Variants in FREM1 observed in about 807,000 individuals in gnomAD.
FREM1 encodes FRAS1 related extracellular matrix 1, also known as FRAS1-related extracellular matrix protein 1.
In FREM1, 220 loss-of-function variants were observed where a neutral mutation model predicts 210.1. That is an observed-to-expected ratio of 1.05 (90% CI 0.94 to 1.17). The LOEUF is 1.17. Ranked by LOEUF, FREM1 falls within the 50% of genes most tolerant of loss-of-function variation. The probability of loss-of-function intolerance (pLI) is 0.00; values close to 1 mark genes in which losing one functional copy is unlikely to be tolerated. For missense variants in FREM1, 3,454 were observed against 2,675.5 expected (o/e 1.29, Z -6.42); for synonymous variants, 1,189 against 980.2 (o/e 1.21, Z -3.98).
chr9:14,770,869 G>C (rs911483728), intron 25 of FREM1, 63 bp from the exon 26 acceptor site: 50 of 1,210,430 alleles, frequency 4.1e-5, no homozygotes, highest in Non-Finnish European at 5.7e-5. Flanking sequence ...GCAACGTTGG[G>C]CTTTATTGGT....
At chr9:14,858,032 C>T (rs541412917) in intron 4 of FREM1, among the ~76,000 whole-genome samples, 1 of 152,172 alleles carries the variant, frequency 6.6e-6, no homozygotes, top group South Asian at 2.1e-4. Context: ...ACATCTCTGA[C>T]AAATAGACCA....
At chr9:14,861,118 T>TAA (rs1445617309) in intron 3 of FREM1, among the ~76,000 whole-genome samples, 1 of 99,896 alleles carries the variant, frequency 1.0e-5, no homozygotes, top group South Asian at 2.5e-4. Flanking sequence ...CACATATATA[T>TAA]ACATATATAC....
chr9:14,819,897 G>T (rs1301519038), intron 13 of FREM1, among the ~76,000 whole-genome samples: 1 of 152,124 alleles, frequency 6.6e-6, no homozygotes, highest in Non-Finnish European at 1.5e-5. Context: ...ATTCTTAAAG[G>T]CTTGGGAAAT....
intron 5 of FREM1, among the ~76,000 whole-genome samples, chr9:14,856,607 G>A (rs1411253610): frequency 2.0e-5 from 3 of 152,050 alleles, no homozygotes; most frequent in African/African-American, 4.8e-5. Flanking sequence ...GGTGAGGCAG[G>A]TGGATCACGA....
chr9:14,815,220 G>A (rs1820089634), intron 15 of FREM1, among the ~76,000 whole-genome samples: 1 of 152,094 alleles, frequency 6.6e-6, no homozygotes, highest in Non-Finnish European at 1.5e-5. Context: ...AAAGAACACT[G>A]ACCTAGGTAA....
At chr9:14,901,341 C>A (rs1251992749) in intron 1 of FREM1, among the ~76,000 whole-genome samples, 1 of 152,070 alleles carries the variant, frequency 6.6e-6, no homozygotes, top group Non-Finnish European at 1.5e-5. Context: ...GTGTAATTCC[C>A]CTCTGTGTTC....
At chr9:14,797,740 G>T in intron 20 of FREM1, 98 bp from the exon 21 acceptor site, 1 of 1,025,418 alleles carries the variant, frequency 9.8e-7, no homozygotes, top group Non-Finnish European at 1.5e-6. Context: ...AGGGGTATTA[G>T]CAAGAGTTCA....
Position 14,845,989 on chromosome 9 carries a change from C to T in FREM1, c.1364G>A (p.Gly455Asp), listed in dbSNP as rs1826531456. The T allele has an allele frequency of 6.2e-7, 1 of 1,613,516 alleles. No homozygotes were observed. The highest frequency in any genetic ancestry group is 8.5e-7 in the Non-Finnish European group (1 of 1,179,680). Residue 455 changes from glycine (G) to aspartate (D), a missense_variant, in exon 8 of 37, where the codon GGC becomes GAC. Transcript: ENST00000380880. ...TAAAGTCAGCCATCCATGCTGCAGG[C>T]CACCAACGGTGACTAGCCGGACAGC... ...IGAVRLVTVG[G>D]LQHGWLTLRG...
intron 36 of FREM1, 99 bp downstream of exon 36, chr9:14,740,050 T>C (rs1241196498): frequency 1.5e-6 from 1 of 667,240 alleles, no homozygotes; most frequent in African/African-American, 1.8e-5. Flanking sequence ...TGTAAACCAC[T>C]ATCATTTAAC....
intron 8 of FREM1, among the ~76,000 whole-genome samples, chr9:14,844,225 C>CTTTTTTTTTTT (rs35686371): frequency 7.2e-6 from 1 of 138,782 alleles, no homozygotes. Context: ...ACAACTCTTC[C>CTTTTTTTTTTT]TTTTTTTTTT....
At chr9:14,794,824 C>A (rs919160868) in intron 21 of FREM1, among the ~76,000 whole-genome samples, 1 of 151,758 alleles carries the variant, frequency 6.6e-6, no homozygotes, top group African/African-American at 2.4e-5. Context: ...ATGGTGAAAC[C>A]CCATTTCTAC....
chr9:14,749,033 T>G lies in FREM1; in HGVS notation c.5558-394A>C, dbSNP rs919622442. Among the ~76,000 whole-genome samples, 4 of 152,298 alleles carry G rather than the reference T, an allele frequency of 2.6e-5. No homozygotes were observed. In the East Asian group the frequency reaches 7.7e-4, roughly 29 times the overall value. ...CTTTAAAGTAATCATTTCCTAGAGG[T>G]AGAAACTGGAATTGTTTAAAGATGT... On this transcript the variant is annotated intron_variant, in intron 30 of 36. Transcript: ENST00000380880.
intron 28 of FREM1, among the ~76,000 whole-genome samples, chr9:14,759,368 G>A (rs1845021566): frequency 6.6e-6 from 1 of 151,858 alleles, no homozygotes; most frequent in Non-Finnish European, 1.5e-5. Flanking sequence ...AAATTAGCAG[G>A]GCCTGGTGGC....
In FREM1 at chr9:14,791,644, G is replaced by C. The variant is rs555030528; in HGVS notation, c.3981+1099C>G. 1.9e-4 allele frequency among the ~76,000 whole-genome samples: 29 copies of C among 152,262 alleles called. 1 individual carries two copies. The South Asian group carries it at 5.0e-3, about 26-fold the overall frequency. On this transcript the variant is annotated intron_variant, in intron 22 of 36. Transcript: ENST00000380880. ...CTGAACTTTCGTCTTTTAAGTTCAT[G>C]TCAGATAGAATACAGAACAATTTGG...
At chr9:14,779,900 C>T (rs1849376148) in intron 24 of FREM1, among the ~76,000 whole-genome samples, 1 of 152,134 alleles carries the variant, frequency 6.6e-6, no homozygotes, top group Non-Finnish European at 1.5e-5. Context: ...ATTCCACTTT[C>T]ACAAGTAACA....
chr9:14,879,850 C>G, intron 1 of FREM1, among the ~76,000 whole-genome samples: 1 of 152,082 alleles, frequency 6.6e-6, no homozygotes, highest in East Asian at 1.9e-4. Context: ...TATGGACAGA[C>G]AAGCATTAGG....
intron 1 of FREM1, among the ~76,000 whole-genome samples, chr9:14,898,328 A>G (rs1349966443): frequency 6.6e-6 from 1 of 152,268 alleles, no homozygotes. Context: ...AGGCTCAGCC[A>G]AAGTTAGTTC....
intron 10 of FREM1, among the ~76,000 whole-genome samples, chr9:14,834,944 G>A (rs1485444320): frequency 6.6e-6 from 1 of 152,124 alleles, no homozygotes; most frequent in African/African-American, 2.4e-5. Flanking sequence ...GACAATTGTT[G>A]TCTTGCTTTG....
intron 1 of FREM1, among the ~76,000 whole-genome samples, chr9:14,904,055 G>C (rs548159600): frequency 1.3e-5 from 2 of 149,148 alleles, no homozygotes; most frequent in East Asian, 4.0e-4. Context: ...CTGGGAGGCG[G>C]AGCTTGCAGT....
Sources: gnomAD v4.1 joint callset for allele counts (sites outside exome capture counted in the v4.1 genomes callset) on GRCh38, gnomAD v4.1.1 for gene constraint, MANE v1.5 for transcripts, NCBI Gene and HGNC (gene_info 2026-07-23, HGNC 2026-07-21) for gene names.